Variants in INSR observed in about 807,000 individuals in gnomAD.
INSR encodes IR.
INSR carries 67 observed loss-of-function variants against 142.6 expected under a neutral mutation model. That is an observed-to-expected ratio of 0.47 (90% CI 0.39 to 0.58). The LOEUF is 0.58. Among genes scored for constraint, INSR ranks in the 20% least tolerant of loss-of-function variants. The pLI, the probability that INSR is intolerant of heterozygous loss-of-function variation, is 0.00. For missense variants in INSR, 1,248 were observed against 1,833.2 expected, an observed-to-expected ratio of 0.68 and a Z score of 5.83; for synonymous variants, 756 against 743.1, an observed-to-expected ratio of 1.02 and a Z score of -0.28.
chr19:7,132,971 AGTATTATAG>A (rs1342517234), intron 13 of INSR, among the ~76,000 whole-genome samples: 12 of 152,248 alleles, frequency 7.9e-5, no homozygotes, highest in African/African-American at 2.9e-4. Flanking sequence ...AATTGACAAC[AGTATTATAG>A]GTCAGGCACA....
In INSR at chr19:7,119,705, T is replaced by C. The variant is rs532816509; in HGVS notation, c.3660-122A>G. On this transcript the variant is annotated intron_variant, in intron 20 of 21. Coordinates refer to ENST00000302850, the MANE Select transcript of INSR (RefSeq NM_000208.4). The surrounding 1 kb of genome is among the most constrained non-coding windows in gnomAD (Gnocchi z 5.2). Reference sequence around the variant, plus strand: ...GCAAACACACATGCCAACACATACATGCAAACACACACATGCAAACACACA... The same window carrying C: ...GCAAACACACATGCCAACACATACACGCAAACACACACATGCAAACACACA... 24 of 1,097,676 alleles carry C rather than the reference T, an allele frequency of 2.2e-5. No homozygotes were observed. In the East Asian group the frequency reaches 2.7e-4, roughly 12 times the overall value. 68.0% of individuals were successfully genotyped at this position (1,097,676 alleles called of 1,614,324 possible).
At chr19:7,145,503 G>A (rs556696735) in intron 11 of INSR, among the ~76,000 whole-genome samples, 82 of 152,246 alleles carry the variant, frequency 5.4e-4, no homozygotes, top group African/African-American at 1.9e-3. Flanking sequence ...GCTTTCCTGG[G>A]TTTTCAATGA....
chr19:7,279,960 G>T (rs925850572), intron 1 of INSR, among the ~76,000 whole-genome samples: 51 of 151,322 alleles, frequency 3.4e-4, no homozygotes, highest in Non-Finnish European at 4.9e-4. Flanking sequence ...AGTGCGAGGA[G>T]ACCCTGTCTC....
chr19:7,148,194 A>T (rs1033345037), intron 11 of INSR, among the ~76,000 whole-genome samples: 32 of 151,756 alleles, frequency 2.1e-4, no homozygotes, highest in Non-Finnish European at 4.0e-4. Context: ...GATTACAGGC[A>T]TCAGGCATGA....
At chr19:7,273,499 A>C (rs1967979627) in intron 1 of INSR, among the ~76,000 whole-genome samples, 1 of 151,540 alleles carries the variant, frequency 6.6e-6, no homozygotes. Context: ...AGTGACAGCT[A>C]ATATTTTCTT....
intron 1 of INSR, among the ~76,000 whole-genome samples, chr19:7,272,572 C>G (rs1967955562): frequency 6.6e-6 from 1 of 151,610 alleles, no homozygotes; most frequent in African/African-American, 2.4e-5. Context: ...GAGCTGAGAT[C>G]GTGCCTTTGC....
At chr19:7,198,243 T>A (rs1974845606) in intron 2 of INSR, among the ~76,000 whole-genome samples, 1 of 150,636 alleles carries the variant, frequency 6.6e-6, no homozygotes, top group Admixed American at 6.6e-5. Context: ...TGGGCGGGCG[T>A]GCTGCAGGGG....
chr19:7,145,469 C>T (rs1256587012), intron 11 of INSR, among the ~76,000 whole-genome samples: 1 of 152,126 alleles, frequency 6.6e-6, no homozygotes, highest in East Asian at 1.9e-4. Flanking sequence ...CAAACTCTAA[C>T]TCATTTAAAA....
intron 2 of INSR, among the ~76,000 whole-genome samples, chr19:7,197,288 T>G (rs570768619): frequency 1.8e-3 from 273 of 152,304 alleles, no homozygotes; most frequent in Non-Finnish European, 3.1e-3. Context: ...GCCTTCCCGC[T>G]TCGGGAGCCG....
intron 2 of INSR, among the ~76,000 whole-genome samples, chr19:7,200,281 A>T (rs907188715): frequency 9.2e-5 from 14 of 152,220 alleles, no homozygotes; most frequent in African/African-American, 3.4e-4. Context: ...TTCTGAAGCC[A>T]TCGGGGAGGT....
At chr19:7,153,373 ACACCATAC>A (rs200177754) in intron 9 of INSR, among the ~76,000 whole-genome samples, 2 of 74,094 alleles carry the variant, frequency 2.7e-5, no homozygotes, top group Non-Finnish European at 7.3e-5. Context: ...CACCCCACAC[ACACCATAC>A]ACGCACCACA....
intron 10 of INSR, among the ~76,000 whole-genome samples, chr19:7,151,280 C>T (rs1317202398): frequency 6.9e-6 from 1 of 145,280 alleles, no homozygotes; most frequent in African/African-American, 2.6e-5. Flanking sequence ...CTTTTTTTCC[C>T]TTCCTTCCTT....
intron 1 of INSR, among the ~76,000 whole-genome samples, chr19:7,291,376 A>G (rs1968491287): frequency 6.6e-6 from 1 of 152,210 alleles, no homozygotes; most frequent in Non-Finnish European, 1.5e-5. Flanking sequence ...TGCCGTGAGG[A>G]TTAACTGAGA....
chr19:7,181,560 CTTT>C (rs369084103), intron 3 of INSR, among the ~76,000 whole-genome samples: 35 of 137,004 alleles, frequency 2.6e-4, no homozygotes, highest in Non-Finnish European at 3.3e-4. Flanking sequence ...ATGGTGAGAC[CTTT>C]TTTTTTTTTT....
At chr19:7,198,250 G>C (rs113240594) in intron 2 of INSR, among the ~76,000 whole-genome samples, 23 of 151,372 alleles carry the variant, frequency 1.5e-4, no homozygotes, top group Admixed American at 8.6e-4. Context: ...GCGTGCTGCA[G>C]GGGCGCTGGC....
chr19:7,195,574 A>G (rs902644776), intron 2 of INSR, among the ~76,000 whole-genome samples: 7 of 152,074 alleles, frequency 4.6e-5, no homozygotes, highest in African/African-American at 1.7e-4. Flanking sequence ...CCCAGGAGAC[A>G]GAGGTTGCAG....
intron 15 of INSR, 78 bp from the exon 16 acceptor site, chr19:7,126,729 C>T (rs1457492396): frequency 4.6e-6 from 6 of 1,302,006 alleles, no homozygotes; most frequent in South Asian, 1.3e-5. Flanking sequence ...CAAGACTCCC[C>T]AAGGCAAATG....
At chr19:7,270,627 A>G (rs1384619678) in intron 1 of INSR, among the ~76,000 whole-genome samples, 2 of 152,022 alleles carry the variant, frequency 1.3e-5, no homozygotes, top group African/African-American at 4.8e-5. Context: ...GCATGGTGGC[A>G]TGTGGTTGTA....
At position 7,216,260 on chromosome 19, in the gene INSR, GT is replaced by G. The variant is rs1975430058; in HGVS notation, c.653-31624del. The stretch of plus-strand genomic sequence containing the variant: ...AATTGCTTAAACCCAGGAGGCAGAG[GT>G]TGCAGTGAGCTGAGATCGTGCCATT... On this transcript the variant is annotated intron_variant, in intron 2 of 21. Transcript: ENST00000302850. This position sits in a 1 kb window ranked among gnomAD's most constrained non-coding sequence, Gnocchi z 4.2. Among the ~76,000 whole-genome samples, 2 of 152,202 alleles carry G rather than the reference GT, an allele frequency of 1.3e-5. No individual in the cohort carries two copies. Among genetic ancestry groups the G allele is most frequent in the Admixed American group, 6.5e-5 (1 of 15,276 alleles).
Sources: allele counts gnomAD v4.1 joint callset (sites outside exome capture counted in the v4.1 genomes callset), GRCh38; gene constraint gnomAD v4.1.1; non-coding constraint Gnocchi (gnomAD v3.1); transcripts MANE v1.5; gene names NCBI Gene and HGNC (gene_info 2026-07-23, HGNC 2026-07-21).